Variants in NAV3 observed in about 807,000 individuals in gnomAD.
The protein encoded by NAV3 is neuron navigator 3.
In NAV3, 87 loss-of-function variants were observed where a neutral mutation model predicts 244.7. That is an observed-to-expected ratio of 0.36 (90% CI 0.30 to 0.42). The LOEUF (loss-of-function observed/expected upper bound fraction) is 0.42. Ranked by LOEUF, NAV3 falls within the 20% of genes least tolerant of loss-of-function variation. The probability of loss-of-function intolerance (pLI) is 1.00; values close to 1 mark genes in which losing one functional copy is unlikely to be tolerated. For synonymous variants in NAV3, 1,126 were observed against 1,042.2 expected, an observed-to-expected ratio of 1.08 and a Z score of -1.55; for missense variants, 2,663 against 2,893.3, an observed-to-expected ratio of 0.92 and a Z score of 1.83.
intron 12 of NAV3, among the ~76,000 whole-genome samples, chr12:78,076,332 T>C (rs1379526841): frequency 5.3e-5 from 8 of 152,174 alleles, no homozygotes; most frequent in African/African-American, 1.9e-4. Context: ...CTGTGAACTC[T>C]CCTCAAAACC....
chr12:77,675,671 T>G (rs1447408585), intron 2 of NAV3, among the ~76,000 whole-genome samples: 1 of 152,118 alleles, frequency 6.6e-6, no homozygotes, highest in Non-Finnish European at 1.5e-5. Context: ...CAGCCTCTCA[T>G]TTAGATAAAA....
At chr12:78,096,401 T>G (rs1954253454) in intron 12 of NAV3, among the ~76,000 whole-genome samples, 1 of 152,166 alleles carries the variant, frequency 6.6e-6, no homozygotes, top group Non-Finnish European at 1.5e-5. Context: ...CTGTTTGAGA[T>G]GAAGGGCTGC....
intron 12 of NAV3, among the ~76,000 whole-genome samples, chr12:78,065,670 A>G (rs1019587338): frequency 6.6e-6 from 1 of 152,144 alleles, no homozygotes; most frequent in Admixed American, 6.6e-5. Flanking sequence ...GTTAGTTTCA[A>G]TGAAATACTG....
At chr12:77,589,660 A>G (rs1869814065) in intron 2 of NAV3, among the ~76,000 whole-genome samples, 1 of 152,138 alleles carries the variant, frequency 6.6e-6, no homozygotes, top group South Asian at 2.1e-4. Flanking sequence ...CATGGGGTAA[A>G]CCACCCCCAT....
Position 78,129,293 on chromosome 12 carries a change from A to G in NAV3, c.4441+427A>G, listed in dbSNP as rs1956062047. Among the ~76,000 whole-genome samples, 3 of 152,218 alleles carry G rather than the reference A, an allele frequency of 2.0e-5. No homozygotes were observed. The South Asian group carries it at 6.2e-4, about 32-fold the overall frequency. ...TTGTCTGAAATATTAAAACATCCTT[A>G]AAACAAAATTAGTAATCTTTTGTAG... On this transcript the variant is annotated intron_variant, in intron 18 of 39. Transcript: ENST00000397909.
chr12:78,183,592 G>T (rs1211175590), intron 30 of NAV3, among the ~76,000 whole-genome samples: 1 of 151,806 alleles, frequency 6.6e-6, no homozygotes, highest in Non-Finnish European at 1.5e-5. Flanking sequence ...TGTTAATTTT[G>T]CTTTAAATAG....
At chr12:77,703,553 C>T (rs1875654114) in intron 2 of NAV3, among the ~76,000 whole-genome samples, 1 of 152,044 alleles carries the variant, frequency 6.6e-6, no homozygotes, top group South Asian at 2.1e-4. Flanking sequence ...AATACGCTTA[C>T]TGAGTAATAT....
chr12:77,970,123 C>G (rs538579773), intron 5 of NAV3, among the ~76,000 whole-genome samples: 2 of 152,248 alleles, frequency 1.3e-5, no homozygotes, highest in Non-Finnish European at 2.9e-5. Context: ...TTAGTTAGCT[C>G]TATTACATAA....
chr12:77,795,278 G>A (rs1359954919), intron 2 of NAV3, among the ~76,000 whole-genome samples: 2 of 152,104 alleles, frequency 1.3e-5, no homozygotes, highest in Admixed American at 6.6e-5. Context: ...TTAACCCAAA[G>A]CCTAATCCAA....
chr12:78,100,007 A>G (rs1179258204), intron 12 of NAV3, among the ~76,000 whole-genome samples: 5 of 151,876 alleles, frequency 3.3e-5, no homozygotes, highest in African/African-American at 9.7e-5. Context: ...AATCTTCATT[A>G]TTTATATTCT....
intron 12 of NAV3, among the ~76,000 whole-genome samples, chr12:78,102,861 A>T (rs1954607208): frequency 6.6e-6 from 1 of 152,188 alleles, no homozygotes; most frequent in African/African-American, 2.4e-5. Flanking sequence ...GACACAGGGC[A>T]CCAAGTCTCT....
At chr12:77,899,914 T>C (rs896006346) in intron 1 of NAV3, among the ~76,000 whole-genome samples, 16 of 152,130 alleles carry the variant, frequency 1.1e-4, no homozygotes, top group African/African-American at 3.4e-4. Flanking sequence ...AGGAGGTACA[T>C]GTGCACGCTT....
chr12:77,710,254 A>C (rs972775823), intron 2 of NAV3, among the ~76,000 whole-genome samples: 1 of 152,206 alleles, frequency 6.6e-6, no homozygotes, highest in African/African-American at 2.4e-5. Flanking sequence ...AGGATTTTGC[A>C]TGGATTCTCT....
chr12:78,011,583 C>T (rs1593273245), intron 8 of NAV3, among the ~76,000 whole-genome samples: 1 of 151,888 alleles, frequency 6.6e-6, no homozygotes, highest in South Asian at 2.1e-4. Context: ...TGCTATCATC[C>T]GAATTTGATA....
chr12:77,890,153 G>C (rs2136731585), intron 1 of NAV3, among the ~76,000 whole-genome samples: 1 of 152,284 alleles, frequency 6.6e-6, no homozygotes, highest in South Asian at 2.1e-4. Flanking sequence ...TCAAGTCTCA[G>C]TTCTCAGTTG....
At chr12:77,632,079 T>A (rs202055432) in intron 2 of NAV3, among the ~76,000 whole-genome samples, 42,807 of 151,760 alleles carry the variant, frequency 0.28, 7,695 homozygotes, top group African/African-American at 0.5. Context: ...TTGAGGTGGG[T>A]TCATATTCAG....
At chr12:78,137,451 C>T (rs1056006031) in intron 19 of NAV3, 86 bp downstream of exon 19, 3 of 1,331,704 alleles carry the variant, frequency 2.3e-6, no homozygotes, top group East Asian at 2.5e-5. Flanking sequence ...CACAAAGATT[C>T]CTGAAGAGGA....
At chr12:78,161,376 T>G (rs1957538420) in intron 23 of NAV3, among the ~76,000 whole-genome samples, 1 of 152,050 alleles carries the variant, frequency 6.6e-6, no homozygotes, top group African/African-American at 2.4e-5. Context: ...TGGAAATGAG[T>G]GTTAGAATTT....
At chr12:78,157,679 T>C (rs1957361343) in intron 22 of NAV3, among the ~76,000 whole-genome samples, 1 of 152,146 alleles carries the variant, frequency 6.6e-6, no homozygotes, top group South Asian at 2.1e-4. Context: ...GAAAATTTTT[T>C]AAACTATGAT....
Sources: allele counts gnomAD v4.1 joint callset (sites outside exome capture counted in the v4.1 genomes callset), GRCh38; gene constraint gnomAD v4.1.1; transcripts MANE v1.5; gene names NCBI Gene and HGNC (gene_info 2026-07-23, HGNC 2026-07-21).